The following PCDH7 variants were observed in gnomAD, a reference collection of about 807,000 sequenced individuals.
PCDH7 encodes the protein protocadherin-7.
In PCDH7, 17 loss-of-function variants were observed where a neutral mutation model predicts 58.9. The observed-to-expected ratio is 0.29, with a 90% CI of 0.20 to 0.43. PCDH7 has a LOEUF of 0.43. PCDH7 is among the 20% of genes least tolerant of loss of function. The probability of loss-of-function intolerance (pLI) is 1.00; values close to 1 mark genes in which losing one functional copy is unlikely to be tolerated. For synonymous variants in PCDH7, 664 were observed against 616.4 expected, an observed-to-expected ratio of 1.08 and a Z score of -1.14; for missense variants, 1,274 against 1,441.0, an observed-to-expected ratio of 0.88 and a Z score of 1.88.
At chr4:30,859,060 C>G (rs940648659) in intron 1 of PCDH7, among the ~76,000 whole-genome samples, 3 of 152,118 alleles carry the variant, frequency 2.0e-5, no homozygotes, top group Non-Finnish European at 4.4e-5. Context: ...TGCAAACAGC[C>G]TTTCCTTTTT....
chr4:30,982,686 G>A (rs1750670203), intron 3 of PCDH7, among the ~76,000 whole-genome samples: 1 of 152,066 alleles, frequency 6.6e-6, no homozygotes, highest in South Asian at 2.1e-4. Flanking sequence ...TATTATGAAG[G>A]ATGTCAGACT....
chr4:30,804,384 C>CA (rs1219377746), intron 1 of PCDH7, among the ~76,000 whole-genome samples: 1 of 151,772 alleles, frequency 6.6e-6, no homozygotes, highest in Non-Finnish European at 1.5e-5. Flanking sequence ...AGTAAAATAC[C>CA]AAAAATTAGT....
chr4:30,782,028 A>G (rs955424412), intron 1 of PCDH7, among the ~76,000 whole-genome samples: 52 of 152,108 alleles, frequency 3.4e-4, no homozygotes, highest in African/African-American at 1.3e-3. Context: ...TCATGTTGCA[A>G]TTTAGACAAC....
At chr4:30,842,539 G>GT (rs1220275018) in intron 1 of PCDH7, among the ~76,000 whole-genome samples, 2 of 152,070 alleles carry the variant, frequency 1.3e-5, no homozygotes, top group Non-Finnish European at 1.5e-5. Flanking sequence ...GAACATATAG[G>GT]TATCTCAATA....
chr4:31,056,004 A>T (rs1336229152), intron 3 of PCDH7, among the ~76,000 whole-genome samples: 2 of 152,286 alleles, frequency 1.3e-5, no homozygotes, highest in East Asian at 1.9e-4. Flanking sequence ...AAATTCTAGA[A>T]CTGAGTAAAT....
At position 31,056,419 on chromosome 4, in the gene PCDH7, AGAAG is replaced by A. The variant is rs1560608304; in HGVS notation, c.*8-86050_*8-86047del. 2.3e-3 allele frequency among the ~76,000 whole-genome samples: 313 copies of A among 135,350 alleles called. 6 individuals are homozygous for A. Among genetic ancestry groups the A allele is most frequent in the African/African-American group, 9.2e-3 (294 of 31,826 alleles). The allele number at this position is 135,350 out of a possible 152,430, so 88.8% of individuals were successfully genotyped here. Reference sequence around the variant, plus strand: ...AGGAAAGGAAGAAAGAAAGAAGGAAAGAAGGAAAGAAAAAGAAAGAAGGAAAGAA... The same window carrying A: ...AGGAAAGGAAGAAAGAAAGAAGGAAAGAAAGAAAAAGAAAGAAGGAAAGAA... On this transcript the variant is annotated intron_variant, in intron 3 of 3. Transcript: ENST00000509759.
At chr4:30,734,396 C>A (rs1272176893), downstream of PCDH7, among the ~76,000 whole-genome samples, 3 of 152,070 alleles carry the variant, frequency 2.0e-5, no homozygotes, top group African/African-American at 7.2e-5. Context: ...CCATGCCTGG[C>A]TAATTTTTTG....
chr4:30,991,587 T>C (rs575371350), intron 3 of PCDH7, among the ~76,000 whole-genome samples: 34 of 152,316 alleles, frequency 2.2e-4, no homozygotes, highest in African/African-American at 8.2e-4. Flanking sequence ...ACAGTGCAGA[T>C]TTAGATCCTC....
chr4:31,094,303 C>T (rs185645383), intron 3 of PCDH7, among the ~76,000 whole-genome samples: 8 of 152,206 alleles, frequency 5.3e-5, no homozygotes, highest in South Asian at 2.1e-4. Context: ...ACATTCCAGA[C>T]GTCCTAGTAG....
intron 1 of PCDH7, among the ~76,000 whole-genome samples, chr4:30,851,312 A>G (rs930900788): frequency 6.6e-6 from 1 of 152,006 alleles, no homozygotes; most frequent in African/African-American, 2.4e-5. Flanking sequence ...TAGTTTCTCC[A>G]GTTACTAAAT....
At chr4:30,972,004 G>A (rs940572587) in intron 3 of PCDH7, among the ~76,000 whole-genome samples, 1 of 151,920 alleles carries the variant, frequency 6.6e-6, no homozygotes, top group Admixed American at 6.6e-5. Flanking sequence ...AACTGCAAAG[G>A]TCATCTGAGC....
At chr4:30,893,877 T>C (rs1194635970) in intron 1 of PCDH7, among the ~76,000 whole-genome samples, 3 of 152,120 alleles carry the variant, frequency 2.0e-5, no homozygotes, top group Admixed American at 1.3e-4. Context: ...ATTTGCTAGA[T>C]TAAATGTCTA....
rs555596051 is a variant in PCDH7, at chr4:31,126,126, C to CTT, written c.*8-16329_*8-16328dup. On this transcript the variant is annotated intron_variant, in intron 3 of 3. Transcript: ENST00000509759. ...TAGAACAGTGCTTGACATATCCTTT[C>CTT]TTTTTTTTTTTTTTTTTTTGATACA... Among the ~76,000 whole-genome samples, 876 of 128,336 alleles carry CTT rather than the reference C, an allele frequency of 6.8e-3. 12 individuals are homozygous for CTT. Among genetic ancestry groups the CTT allele is most frequent in the African/African-American group, 0.023 (805 of 34,626 alleles). 84.2% of individuals were successfully genotyped at this position (128,336 alleles called of 152,430 possible). A position where few individuals can be genotyped will look rare whatever the true frequency, so the allele number is the denominator to read the frequency against.
At chr4:30,793,840 T>A (rs1724443004) in intron 1 of PCDH7, 1 of 152,140 alleles carries the variant, frequency 6.6e-6, no homozygotes, top group Non-Finnish European at 1.5e-5. Context: ...GGAACAAACA[T>A]AGAAGATAAG....
chr4:30,929,956 C>G (rs893741491), intron 2 of PCDH7, among the ~76,000 whole-genome samples: 8 of 152,102 alleles, frequency 5.3e-5, no homozygotes, highest in Non-Finnish European at 1.2e-4. Flanking sequence ...TTATAAGAAT[C>G]CATTGAGTAA....
intron 3 of PCDH7, among the ~76,000 whole-genome samples, chr4:31,025,411 G>A (rs1452301600): frequency 2.0e-5 from 3 of 152,218 alleles, no homozygotes; most frequent in Non-Finnish European, 4.4e-5. Flanking sequence ...AACTCTGGCA[G>A]AGTGGAAGTA....
chr4:30,823,797 G>C (rs1370088966), intron 1 of PCDH7, among the ~76,000 whole-genome samples: 1 of 152,116 alleles, frequency 6.6e-6, no homozygotes, highest in Non-Finnish European at 1.5e-5. Flanking sequence ...GCATAGGTCC[G>C]AAAGTGCTGC....
At chr4:30,968,389 T>C (rs1190895186) in intron 3 of PCDH7, among the ~76,000 whole-genome samples, 19,576 of 80,046 alleles carry the variant, frequency 0.24, 3,394 homozygotes, top group African/African-American at 0.39. Flanking sequence ...TATATATATA[T>C]ATATATATAT....
chr4:30,825,809 A>G (rs554426514), intron 1 of PCDH7, among the ~76,000 whole-genome samples: 1 of 152,234 alleles, frequency 6.6e-6, no homozygotes, highest in Non-Finnish European at 1.5e-5. Context: ...AAAATTCTAA[A>G]ATGGCAGGTC....
Sources: allele counts gnomAD v4.1 joint callset (sites outside exome capture counted in the v4.1 genomes callset), GRCh38; gene constraint gnomAD v4.1.1; transcripts MANE v1.5; gene names NCBI Gene and HGNC (gene_info 2026-07-23, HGNC 2026-07-21).